Variants in TRIM44 observed in about 807,000 individuals in gnomAD.
TRIM44 encodes the protein tripartite motif-containing protein 44.
In TRIM44, 13 loss-of-function variants were observed where a neutral mutation model predicts 37.4. The ratio of observed to expected loss-of-function variants is 0.35; its 90% CI spans 0.23 to 0.55. TRIM44 has a LOEUF of 0.55. Among genes scored for constraint, TRIM44 ranks in the 20% least tolerant of loss-of-function variants. The probability of loss-of-function intolerance (pLI) is 0.89; values close to 1 mark genes in which losing one functional copy is unlikely to be tolerated. For synonymous variants in TRIM44, 175 were observed against 157.2 expected, an observed-to-expected ratio of 1.11 and a Z score of -0.85; for missense variants, 426 against 437.2, an observed-to-expected ratio of 0.97 and a Z score of 0.23.
intron 4 of TRIM44, among the ~76,000 whole-genome samples, chr11:35,802,092 G>A (rs11033280): frequency 0.12 from 18,172 of 152,108 alleles, 1,152 homozygotes; most frequent in Middle Eastern, 0.15. Flanking sequence ...TAATCTAATT[G>A]GCAAAGCCAA....
At chr11:35,693,163 G>C (rs1028385885) in intron 2 of TRIM44, among the ~76,000 whole-genome samples, 2 of 152,108 alleles carry the variant, frequency 1.3e-5, no homozygotes, top group African/African-American at 4.8e-5. Context: ...CTCAGCGATT[G>C]TAACAGGCAC....
intron 4 of TRIM44, among the ~76,000 whole-genome samples, chr11:35,777,711 A>G (rs1249914914): frequency 1.3e-5 from 2 of 152,162 alleles, no homozygotes; most frequent in African/African-American, 4.8e-5. Flanking sequence ...TCCTTCACTT[A>G]TGAAGCTTAG....
At chr11:35,770,679 G>A (rs1394094996) in intron 4 of TRIM44, among the ~76,000 whole-genome samples, 2 of 152,070 alleles carry the variant, frequency 1.3e-5, no homozygotes, top group Admixed American at 6.5e-5. Context: ...TTTGTTGGCC[G>A]CTTGGATGTT....
chr11:35,806,471 A>G lies in TRIM44; in HGVS notation c.*86A>G. On this transcript the variant is annotated 3_prime_UTR_variant, in exon 5 of 5. Transcript: ENST00000299413. ...TGTAACGGCTTCTGATTTCTGTGAA[A>G]GCTGCTCAGCAACAAACGTACTTCC... 1 of 1,468,038 alleles carries G rather than the reference A, an allele frequency of 6.8e-7. No individual in the cohort carries two copies. Among genetic ancestry groups the G allele is most frequent in the Non-Finnish European group, 9.5e-7 (1 of 1,047,932 alleles). The allele number at this position is 1,468,038 out of a possible 1,614,324, so 90.9% of individuals were successfully genotyped here.
intron 4 of TRIM44, among the ~76,000 whole-genome samples, chr11:35,749,589 G>A (rs1801649053): frequency 6.6e-6 from 1 of 152,176 alleles, no homozygotes; most frequent in Non-Finnish European, 1.5e-5. Context: ...GGAGGCTGAG[G>A]CACCATAATT....
chr11:35,759,041 T>G (rs1321132377), intron 4 of TRIM44, among the ~76,000 whole-genome samples: 1 of 151,930 alleles, frequency 6.6e-6, no homozygotes, highest in Admixed American at 6.6e-5. Flanking sequence ...ATTTGAATGT[T>G]GGCCTGCCTT....
At chr11:35,728,120 G>A (rs1466530992) in intron 3 of TRIM44, among the ~76,000 whole-genome samples, 1 of 152,230 alleles carries the variant, frequency 6.6e-6, no homozygotes, top group Non-Finnish European at 1.5e-5. Context: ...GAGGTCAGGA[G>A]TTTAAGCCTG....
intron 4 of TRIM44, among the ~76,000 whole-genome samples, chr11:35,759,387 A>C (rs1228993184): frequency 1.3e-5 from 2 of 152,048 alleles, no homozygotes; most frequent in African/African-American, 4.8e-5. Context: ...TGGTTATTCT[A>C]GTTAGCCATT....
intron 1 of TRIM44, among the ~76,000 whole-genome samples, chr11:35,668,781 C>T: frequency 6.6e-6 from 1 of 152,172 alleles, no homozygotes. Context: ...TGACTATGGA[C>T]TCAATTTCTT....
chr11:35,731,860 CT>C (rs922364810), intron 3 of TRIM44, among the ~76,000 whole-genome samples: 32 of 147,928 alleles, frequency 2.2e-4, no homozygotes, highest in Non-Finnish European at 2.4e-4. Context: ...CATATTTGTA[CT>C]TTTTTTTTTA....
intron 3 of TRIM44, 90 bp downstream of exon 3, chr11:35,726,253 G>T: frequency 6.7e-7 from 1 of 1,503,192 alleles, no homozygotes; most frequent in East Asian, 2.3e-5. Context: ...CCCTGAACGT[G>T]AATGAATTGA....
intron 4 of TRIM44, among the ~76,000 whole-genome samples, chr11:35,776,905 G>A (rs1223302615): frequency 2.0e-5 from 3 of 152,226 alleles, no homozygotes; most frequent in Non-Finnish European, 4.4e-5. Flanking sequence ...TAAGTGCGAT[G>A]TGGTGCTGAG....
chr11:35,741,054 AT>A (rs1204885649), intron 4 of TRIM44, among the ~76,000 whole-genome samples: 1 of 151,996 alleles, frequency 6.6e-6, no homozygotes, highest in Middle Eastern at 3.2e-3. Context: ...TTGTCTTCTG[AT>A]TGCAAATTTG....
At chr11:35,669,348 C>T (rs979166028) in intron 1 of TRIM44, among the ~76,000 whole-genome samples, 2 of 152,130 alleles carry the variant, frequency 1.3e-5, no homozygotes, top group Non-Finnish European at 2.9e-5. Flanking sequence ...ACCTCTCTAC[C>T]TTCCCCTTTG....
chr11:35,795,243 G>A (rs1004579758), intron 4 of TRIM44, among the ~76,000 whole-genome samples: 4 of 152,078 alleles, frequency 2.6e-5, no homozygotes, highest in African/African-American at 7.2e-5. Context: ...TATTCTAGGG[G>A]TTATAGGAAG....
chr11:35,671,363 GAAATA>G (rs1724905495), intron 1 of TRIM44, among the ~76,000 whole-genome samples: 1 of 152,142 alleles, frequency 6.6e-6, no homozygotes, highest in Non-Finnish European at 1.5e-5. Flanking sequence ...ATAATGATAA[GAAATA>G]AAATAGAACT....
chr11:35,805,870 A>G (rs1410678630), intron 4 of TRIM44, among the ~76,000 whole-genome samples: 1 of 152,180 alleles, frequency 6.6e-6, no homozygotes, highest in Non-Finnish European at 1.5e-5. Flanking sequence ...TCCCTATGGC[A>G]TGAGTTGAAA....
intron 2 of TRIM44, among the ~76,000 whole-genome samples, chr11:35,707,489 G>T (rs1383502469): frequency 1.3e-5 from 2 of 148,328 alleles, no homozygotes; most frequent in Admixed American, 6.7e-5. Flanking sequence ...AGCTGGAGGT[G>T]TCATGCTACC....
chr11:35,789,479 G>T (rs901224804), intron 4 of TRIM44, among the ~76,000 whole-genome samples: 1 of 114,884 alleles, frequency 8.7e-6, no homozygotes, highest in African/African-American at 3.4e-5. Flanking sequence ...TTAAGCACCT[G>T]GGAATCATTG....
Sources: allele counts gnomAD v4.1 joint callset (sites outside exome capture counted in the v4.1 genomes callset), GRCh38; gene constraint gnomAD v4.1.1; transcripts MANE v1.5; gene names NCBI Gene and HGNC (gene_info 2026-07-23, HGNC 2026-07-21).